NRG1: variants seen among roughly 807,000 people sequenced by gnomAD.
NRG1 encodes the protein neuregulin 1, also known as pro-neuregulin-1, membrane-bound isoform.
NRG1 carries 18 observed loss-of-function variants against 63.8 expected under a neutral mutation model. The ratio of observed to expected loss-of-function variants is 0.28; its 90% CI spans 0.19 to 0.42. The LOEUF (loss-of-function observed/expected upper bound fraction) is 0.42, where lower values mean the gene tolerates loss of function less well. NRG1 is among the 10% of genes least tolerant of loss of function. The pLI is 1.00. For missense variants in NRG1, 762 were observed against 814.7 expected, an observed-to-expected ratio of 0.94 and a Z score of 0.79; for synonymous variants, 302 against 301.3, an observed-to-expected ratio of 1.00 and a Z score of -0.02.
At chr8:32,359,927 C>T (rs191485498) in intron 1 of NRG1, among the ~76,000 whole-genome samples, 6 of 152,246 alleles carry the variant, frequency 3.9e-5, no homozygotes, top group Non-Finnish European at 8.8e-5. Flanking sequence ...GCACCAATGG[C>T]ATATGAGTGT....
At chr8:32,407,059 A>G (rs1814088480) in intron 1 of NRG1, among the ~76,000 whole-genome samples, 1 of 151,828 alleles carries the variant, frequency 6.6e-6, no homozygotes, top group South Asian at 2.1e-4. Flanking sequence ...GCTCTTATAT[A>G]AGTAACTTAA....
At chr8:32,731,600 C>T (rs3757930) in intron 6 of NRG1, among the ~76,000 whole-genome samples, 55,097 of 151,970 alleles carry the variant, frequency 0.36, 10,078 homozygotes, top group Middle Eastern at 0.45. Context: ...ATCCAAAATA[C>T]TTCAAACCTT....
At chr8:32,625,496 A>G (rs1225560355) in intron 5 of NRG1, among the ~76,000 whole-genome samples, 4 of 152,244 alleles carry the variant, frequency 2.6e-5, no homozygotes, top group African/African-American at 7.2e-5. Flanking sequence ...AAGAAATGTC[A>G]GAAGGAGAGA....
intron 1 of NRG1, among the ~76,000 whole-genome samples, chr8:32,418,357 A>T (rs1334697335): frequency 1.3e-5 from 2 of 151,592 alleles, no homozygotes; most frequent in Non-Finnish European, 2.9e-5. Flanking sequence ...TTTTAATAAT[A>T]TACTCTCTTT....
intron 1 of NRG1, among the ~76,000 whole-genome samples, chr8:31,686,515 G>A (rs1423016938): frequency 6.6e-6 from 1 of 151,914 alleles, no homozygotes; most frequent in Non-Finnish European, 1.5e-5. Flanking sequence ...AATAAAAAAT[G>A]TTTCTGAAAT....
intron 1 of NRG1, among the ~76,000 whole-genome samples, chr8:32,331,751 G>C (rs761178801): frequency 1.6e-4 from 24 of 152,134 alleles, no homozygotes; most frequent in Non-Finnish European, 2.8e-4. Flanking sequence ...GTGTGATTAA[G>C]AGATGAACAT....
chr8:32,429,122 G>A (rs751461653), intron 1 of NRG1, among the ~76,000 whole-genome samples: 4 of 152,050 alleles, frequency 2.6e-5, no homozygotes, highest in Non-Finnish European at 5.9e-5. Context: ...GTGAAATGAA[G>A]TACGGTTTTT....
chr8:32,516,493 A>G (rs551792172), intron 1 of NRG1, among the ~76,000 whole-genome samples: 12 of 152,350 alleles, frequency 7.9e-5, no homozygotes, highest in Non-Finnish European at 1.8e-4. Flanking sequence ...TAAGAACAGC[A>G]TTGAGTCTAT....
intron 1 of NRG1, among the ~76,000 whole-genome samples, chr8:32,138,862 G>GCCCA (rs1464636554): frequency 6.6e-6 from 1 of 152,056 alleles, no homozygotes; most frequent in Non-Finnish European, 1.5e-5. Flanking sequence ...GAGCCACCAT[G>GCCCA]CCCAGCAAGC....
intron 1 of NRG1, among the ~76,000 whole-genome samples, chr8:31,882,267 C>A (rs552069499): frequency 7.3e-5 from 10 of 136,516 alleles, no homozygotes; most frequent in African/African-American, 2.8e-4. Context: ...GCCAGCACAT[C>A]TGTTTATAGC....
At chr8:32,525,241 T>C (rs1830708656) in intron 1 of NRG1, among the ~76,000 whole-genome samples, 1 of 152,204 alleles carries the variant, frequency 6.6e-6, no homozygotes, top group African/African-American at 2.4e-5. Context: ...AGCAATGCTG[T>C]CCTCCTTGAT....
intron 1 of NRG1, among the ~76,000 whole-genome samples, chr8:31,767,858 A>AC (rs1239184334): frequency 6.6e-6 from 1 of 151,932 alleles, no homozygotes; most frequent in East Asian, 1.9e-4. Context: ...AAAAAAAAAA[A>AC]AAAAAAAACT....
At chr8:31,909,886 A>T (rs1286036086) in intron 1 of NRG1, among the ~76,000 whole-genome samples, 1 of 152,144 alleles carries the variant, frequency 6.6e-6, no homozygotes, top group Non-Finnish European at 1.5e-5. Flanking sequence ...TTCATCCCTT[A>T]ACGAACCTAA....
chr8:32,565,173 C>T (rs1366439216), intron 1 of NRG1, among the ~76,000 whole-genome samples: 2 of 152,226 alleles, frequency 1.3e-5, no homozygotes, highest in East Asian at 1.9e-4. Flanking sequence ...ATTCCTTTTT[C>T]TTTATCCCAC....
intron 1 of NRG1, among the ~76,000 whole-genome samples, chr8:31,873,049 G>A (rs1045317621): frequency 6.6e-6 from 1 of 152,100 alleles, no homozygotes; most frequent in Non-Finnish European, 1.5e-5. Context: ...GAAAACTCAT[G>A]TTTCACATAC....
At chr8:32,592,267 C>G (rs2439288) in intron 1 of NRG1, among the ~76,000 whole-genome samples, 37,968 of 152,064 alleles carry the variant, frequency 0.25, 4,910 homozygotes, top group Non-Finnish European at 0.27. Flanking sequence ...GTAACCACAA[C>G]GCAGTGCTCC....
intron 1 of NRG1, among the ~76,000 whole-genome samples, chr8:32,166,417 GT>G (rs1839408274): frequency 6.6e-6 from 1 of 152,028 alleles, no homozygotes; most frequent in Non-Finnish European, 1.5e-5. Flanking sequence ...GTCATTCCTT[GT>G]TTTTGTAATA....
At chr8:32,604,493 C>A (rs965394890) in intron 2 of NRG1, among the ~76,000 whole-genome samples, 2 of 152,132 alleles carry the variant, frequency 1.3e-5, no homozygotes, top group Non-Finnish European at 2.9e-5. Flanking sequence ...CCTTTGTTTT[C>A]TCCCTTGTCG....
chr8:32,482,207 G>GA (rs924547711), intron 1 of NRG1, among the ~76,000 whole-genome samples: 129 of 146,680 alleles, frequency 8.8e-4, no homozygotes, highest in African/African-American at 2.8e-3. Context: ...AGCTCTTCAG[G>GA]AAAAAAAAAA....
Sources: gnomAD v4.1 joint callset for allele counts (sites outside exome capture counted in the v4.1 genomes callset) on GRCh38, gnomAD v4.1.1 for gene constraint, MANE v1.5 for transcripts, NCBI Gene and HGNC (gene_info 2026-07-23, HGNC 2026-07-21) for gene names.